PRELID2: variants seen among roughly 807,000 people sequenced by gnomAD.
PRELID2 encodes the protein PRELI domain containing 2.
Under a neutral mutation model 28.4 loss-of-function variants are expected in PRELID2, and 25 were observed. The observed-to-expected ratio is 0.88, with a 90% confidence interval of 0.64 to 1.23. PRELID2 has a LOEUF of 1.23. Among genes scored for constraint, PRELID2 ranks in the 50% most tolerant of loss-of-function variants. The probability of loss-of-function intolerance (pLI) is 0.00; values close to 1 mark genes in which losing one functional copy is unlikely to be tolerated. For missense variants in PRELID2, 201 were observed against 214.4 expected, an observed-to-expected ratio of 0.94 and a Z score of 0.39; for synonymous variants, 76 against 71.6, an observed-to-expected ratio of 1.06 and a Z score of -0.31.
At chr5:145,383,515 C>T in the PRELID2 span, among the ~76,000 whole-genome samples, 2 of 150,788 alleles carry the variant, frequency 1.3e-5, no homozygotes, top group African/African-American at 4.9e-5. Context: ...CAGAAATAAA[C>T]CCATATAAAA....
At position 145,641,422 on chromosome 5, in the gene PRELID2, A is replaced by C. The variant is rs75562443; in HGVS notation, n.70+123509T>G. ...AAGATATCAGAAACACGAAAGTTAA[A>C]ACAACAAGATGCCATTTCGCAAACA... On this transcript the variant is annotated intron_variant and non_coding_transcript_variant, in intron 1 of 2. Coordinates refer to the PRELID2 transcript ENST00000510259. Among the ~76,000 whole-genome samples, 75 of 152,374 alleles carry C rather than the reference A, an allele frequency of 4.9e-4. No individual in the cohort carries two copies. In the East Asian group the frequency reaches 0.013, roughly 27 times the overall value.
intron 1 of PRELID2, among the ~76,000 whole-genome samples, chr5:145,624,525 A>G (rs551536256): frequency 8.5e-6 from 1 of 117,388 alleles, no homozygotes; most frequent in South Asian, 2.4e-4. Flanking sequence ...GAACTAATAT[A>G]TATTTCTTAT....
the PRELID2 span, among the ~76,000 whole-genome samples, chr5:145,265,062 A>G: frequency 6.6e-6 from 1 of 151,872 alleles, no homozygotes; most frequent in African/African-American, 2.4e-5. Context: ...AACTCTAAAG[A>G]CTCATTCAAA....
chr5:145,414,774 T>C, the PRELID2 span, among the ~76,000 whole-genome samples: 1 of 152,202 alleles, frequency 6.6e-6, no homozygotes, highest in East Asian at 1.9e-4. Flanking sequence ...AAGTATTTAC[T>C]TGGGCATCTC....
the PRELID2 span, among the ~76,000 whole-genome samples, chr5:145,249,941 C>G: frequency 1.4e-5 from 2 of 144,422 alleles, no homozygotes; most frequent in Non-Finnish European, 3.1e-5. Context: ...CTCTCTGTCT[C>G]TCTCTCTCTC....
chr5:145,540,305 C>T (rs1561502472), intron 1 of PRELID2, among the ~76,000 whole-genome samples: 1 of 151,962 alleles, frequency 6.6e-6, no homozygotes, highest in Non-Finnish European at 1.5e-5. Context: ...AGATAAGAGG[C>T]TTCAGACTGA....
At chr5:145,300,700 CTTTT>C in the PRELID2 span, among the ~76,000 whole-genome samples, 1 of 128,414 alleles carries the variant, frequency 7.8e-6, no homozygotes, top group Admixed American at 7.9e-5. Flanking sequence ...TTTTTATTTA[CTTTT>C]TTTTTTTTTT....
intron 1 of PRELID2, among the ~76,000 whole-genome samples, chr5:145,559,627 T>G (rs539060630): frequency 6.6e-6 from 1 of 152,276 alleles, no homozygotes; most frequent in African/African-American, 2.4e-5. Context: ...TCCTTATTTC[T>G]AAGAAAAGTC....
At chr5:145,650,338 TC>T (rs1404835369) in intron 1 of PRELID2, among the ~76,000 whole-genome samples, 1 of 151,838 alleles carries the variant, frequency 6.6e-6, no homozygotes, top group Non-Finnish European at 1.5e-5. Context: ...GATTCTCTGC[TC>T]CCTCAGATCT....
At chr5:145,414,326 T>C in the PRELID2 span, among the ~76,000 whole-genome samples, 3 of 152,196 alleles carry the variant, frequency 2.0e-5, no homozygotes, top group Non-Finnish European at 2.9e-5. Flanking sequence ...TTTGATTGGC[T>C]GCTCTTGTTG....
At chr5:145,463,898 C>G in the PRELID2 span, among the ~76,000 whole-genome samples, 1 of 152,092 alleles carries the variant, frequency 6.6e-6, no homozygotes, top group Admixed American at 6.6e-5. Flanking sequence ...GTTACCAAAG[C>G]TTTTATACAC....
intron 1 of PRELID2, among the ~76,000 whole-genome samples, chr5:145,600,076 T>C (rs536558684): frequency 6.7e-6 from 1 of 149,258 alleles, no homozygotes; most frequent in Non-Finnish European, 1.5e-5. Context: ...TTTTAAAAGT[T>C]GTTAAAAACA....
At chr5:145,424,434 C>T in the PRELID2 span, among the ~76,000 whole-genome samples, 1 of 152,232 alleles carries the variant, frequency 6.6e-6, no homozygotes, top group African/African-American at 2.4e-5. Context: ...GATATAATCT[C>T]ATGGTGCACC....
the PRELID2 span, among the ~76,000 whole-genome samples, chr5:145,396,192 T>G: frequency 6.6e-6 from 1 of 152,244 alleles, no homozygotes; most frequent in African/African-American, 2.4e-5. Flanking sequence ...TTCATCAAAT[T>G]TTCCTCACCA....
At chr5:145,650,279 A>G (rs1199934945) in intron 1 of PRELID2, among the ~76,000 whole-genome samples, 3 of 151,910 alleles carry the variant, frequency 2.0e-5, no homozygotes, top group Admixed American at 2.0e-4. Flanking sequence ...GAAATCAACA[A>G]TCATCTCAAG....
At chr5:145,262,739 G>A in the PRELID2 span, among the ~76,000 whole-genome samples, 1 of 151,640 alleles carries the variant, frequency 6.6e-6, no homozygotes, top group Non-Finnish European at 1.5e-5. Context: ...ATCTCTTAAA[G>A]GATAAATCTC....
At chr5:145,260,289 A>G in the PRELID2 span, among the ~76,000 whole-genome samples, 5 of 152,202 alleles carry the variant, frequency 3.3e-5, no homozygotes, top group Non-Finnish European at 7.3e-5. Context: ...TCAATTCAGC[A>G]TATTTACCCA....
intron 1 of PRELID2, among the ~76,000 whole-genome samples, chr5:145,647,793 A>G (rs1385896502): frequency 6.6e-6 from 1 of 152,044 alleles, no homozygotes; most frequent in Non-Finnish European, 1.5e-5. Context: ...TAGGGGTGAG[A>G]ATTCCCCCAA....
At position 145,685,194 on chromosome 5, in the gene PRELID2, T is replaced by C. The variant is rs147518982; in HGVS notation, n.70+79737A>G. Reference sequence around the variant, plus strand: ...CAGTCAGAATTCTTACTCTGAAATATAAATCTAATCCTACCACTTCCCCAC... The same window carrying C: ...CAGTCAGAATTCTTACTCTGAAATACAAATCTAATCCTACCACTTCCCCAC... On this transcript the variant is annotated intron_variant and non_coding_transcript_variant, in intron 1 of 2. Transcript: ENST00000510259. Among the ~76,000 whole-genome samples, 9 of 152,288 alleles carry C rather than the reference T, an allele frequency of 5.9e-5. No homozygotes were observed. In the East Asian group the frequency reaches 1.7e-3, roughly 29 times the overall value.
Sources: allele counts gnomAD v4.1 joint callset (sites outside exome capture counted in the v4.1 genomes callset), GRCh38; gene constraint gnomAD v4.1.1; transcripts MANE v1.5; gene names NCBI Gene and HGNC (gene_info 2026-07-23, HGNC 2026-07-21).